The following OLA1 variants were observed in gnomAD, a reference collection of about 807,000 sequenced individuals.
OLA1 encodes the protein Obg like ATPase 1, also known as obg-like ATPase 1.
Under a neutral mutation model 48.4 loss-of-function variants are expected in OLA1, and 14 were observed. The ratio of observed to expected loss-of-function variants is 0.29; its 90% CI spans 0.19 to 0.45. OLA1 has a LOEUF of 0.45. Among genes scored for constraint, OLA1 ranks in the 20% least tolerant of loss-of-function variants. The probability of loss-of-function intolerance (pLI) is 1.00; values close to 1 mark genes in which losing one functional copy is unlikely to be tolerated. For synonymous variants in OLA1, 127 were observed against 150.4 expected, an observed-to-expected ratio of 0.84 and a Z score of 1.14; for missense variants, 325 against 467.1, an observed-to-expected ratio of 0.70 and a Z score of 2.80.
chr2:174,085,723 T>G (rs1684961116), intron 7 of OLA1, among the ~76,000 whole-genome samples: 1 of 152,202 alleles, frequency 6.6e-6, no homozygotes, highest in African/African-American at 2.4e-5. Context: ...CCAGGGTTAG[T>G]TTACATTGTT....
At chr2:174,106,946 C>T (rs867444503) in intron 7 of OLA1, among the ~76,000 whole-genome samples, 7 of 152,230 alleles carry the variant, frequency 4.6e-5, no homozygotes, top group Middle Eastern at 3.4e-3. Context: ...TCTTTATCTT[C>T]CCAGCAGTCA....
intron 4 of OLA1, among the ~76,000 whole-genome samples, chr2:174,181,701 C>T (rs1487543299): frequency 6.6e-6 from 1 of 152,106 alleles, no homozygotes; most frequent in African/African-American, 2.4e-5. Flanking sequence ...TTTGCTGTTG[C>T]CTCTGTTTAC....
chr2:174,117,075 G>A (rs1005033726), intron 7 of OLA1, among the ~76,000 whole-genome samples: 15 of 152,002 alleles, frequency 9.9e-5, no homozygotes, highest in African/African-American at 3.4e-4. Flanking sequence ...GAGGGGATGG[G>A]GTTGTAGAGA....
chr2:174,163,711 A>T (rs10172872), intron 4 of OLA1, among the ~76,000 whole-genome samples: 781 of 34,238 alleles, frequency 0.023, 43 homozygotes, highest in African/African-American at 0.084. Flanking sequence ...TAAATAAATA[A>T]ATATATATAT....
chr2:174,131,738 T>G (rs1325862932), intron 5 of OLA1, among the ~76,000 whole-genome samples: 1 of 152,134 alleles, frequency 6.6e-6, no homozygotes, highest in Admixed American at 6.5e-5. Context: ...TTGTGAAGTC[T>G]CTGCATATTT....
chr2:174,222,444 C>G (rs1688526774), intron 4 of OLA1, among the ~76,000 whole-genome samples: 1 of 152,006 alleles, frequency 6.6e-6, no homozygotes, highest in Non-Finnish European at 1.5e-5. Context: ...TGACCTAAGC[C>G]TTAACCTAAA....
intron 4 of OLA1, among the ~76,000 whole-genome samples, chr2:174,195,920 T>C (rs551135159): frequency 6.6e-6 from 1 of 152,148 alleles, no homozygotes; most frequent in African/African-American, 2.4e-5. Flanking sequence ...AGTGAAATAA[T>C]TATCTAAAAA....
chr2:174,076,475 T>C, intron 10 of OLA1, among the ~76,000 whole-genome samples: 1 of 152,132 alleles, frequency 6.6e-6, no homozygotes, highest in Admixed American at 6.6e-5. Flanking sequence ...AAGAAACCTT[T>C]GCCCAACAGG....
At chr2:174,085,175 C>G (rs572380815) in intron 7 of OLA1, among the ~76,000 whole-genome samples, 13 of 152,298 alleles carry the variant, frequency 8.5e-5, no homozygotes, top group Admixed American at 8.5e-4. Flanking sequence ...GAAAGGACAA[C>G]TAGTTTTAAG....
chr2:174,180,480 A>G (rs1460606170), intron 4 of OLA1, among the ~76,000 whole-genome samples: 1 of 152,228 alleles, frequency 6.6e-6, no homozygotes, highest in Admixed American at 6.5e-5. Context: ...TAGTTACCAC[A>G]GTACTTGACC....
intron 2 of OLA1, among the ~76,000 whole-genome samples, chr2:174,238,154 A>G (rs536965786): frequency 6.6e-5 from 10 of 152,322 alleles, no homozygotes; most frequent in Admixed American, 5.9e-4. Flanking sequence ...TTTCAAAATG[A>G]AGAAGTGATA....
At chr2:174,179,173 T>C (rs542630966) in intron 4 of OLA1, among the ~76,000 whole-genome samples, 2 of 151,976 alleles carry the variant, frequency 1.3e-5, no homozygotes, top group African/African-American at 4.8e-5. Flanking sequence ...TAGTTTATTT[T>C]ACACATATCC....
chr2:174,162,977 G>A (rs1687048760), intron 4 of OLA1, among the ~76,000 whole-genome samples: 1 of 152,130 alleles, frequency 6.6e-6, no homozygotes. Flanking sequence ...CTGAGAGATG[G>A]AGGGTCCAGT....
intron 4 of OLA1, among the ~76,000 whole-genome samples, chr2:174,193,214 C>T (rs1398551662): frequency 2.0e-5 from 3 of 151,856 alleles, no homozygotes; most frequent in African/African-American, 4.8e-5. Context: ...CTCAGCTTCC[C>T]GAGTAGCTGG....
At chr2:174,080,902 G>C in intron 9 of OLA1, 1 of 401,448 alleles carries the variant, frequency 2.5e-6, no homozygotes, top group Non-Finnish European at 4.5e-6. Flanking sequence ...ACAGGAGGAG[G>C]GTAGACAGAT....
At chr2:174,165,508 C>T (rs1312701105) in intron 4 of OLA1, among the ~76,000 whole-genome samples, 2 of 152,116 alleles carry the variant, frequency 1.3e-5, no homozygotes, top group East Asian at 1.9e-4. Context: ...CACTGTGAAG[C>T]GAAATTTCTG....
chr2:174,163,258 A>C (rs1233787305), intron 4 of OLA1, among the ~76,000 whole-genome samples: 1 of 152,210 alleles, frequency 6.6e-6, no homozygotes, highest in Non-Finnish European at 1.5e-5. Context: ...CCCCAGCAAC[A>C]ATTTATTAGT....
In OLA1 at chr2:174,073,266, G is replaced by A. The variant is rs1684649209; in HGVS notation, c.*2160C>T. ...TCCTCCCACCTCGGCCTCCCAAAGT[G>A]TTGGGATTATAGGTGTGAGCCTCCA... On this transcript the variant is annotated 3_prime_UTR_variant, in exon 11 of 11. Transcript: ENST00000284719. 1 of 152,196 alleles carries A rather than the reference G, an allele frequency of 6.6e-6. No individual in the cohort carries two copies. The highest frequency in any genetic ancestry group is 2.1e-4 in the South Asian group (1 of 4,832). 9.4% of individuals were successfully genotyped at this position (152,196 alleles called of 1,614,324 possible). A position where few individuals can be genotyped will look rare whatever the true frequency, so the allele number is the denominator to read the frequency against.
chr2:174,094,722 AGT>A (rs758021853), intron 7 of OLA1, among the ~76,000 whole-genome samples: 52 of 152,338 alleles, frequency 3.4e-4, no homozygotes, highest in Admixed American at 7.2e-4. Flanking sequence ...ACAGTTCAAC[AGT>A]GCTAACTCTA....
Sources: gnomAD v4.1 joint callset for allele counts (sites outside exome capture counted in the v4.1 genomes callset) on GRCh38, gnomAD v4.1.1 for gene constraint, MANE v1.5 for transcripts, NCBI Gene and HGNC (gene_info 2026-07-23, HGNC 2026-07-21) for gene names.